RGS7: variants seen among roughly 807,000 people sequenced by gnomAD.
RGS7 encodes regulator of G-protein signaling 7.
RGS7 carries 27 observed loss-of-function variants against 81.1 expected under a neutral mutation model. The observed-to-expected ratio is 0.33, with a 90% CI of 0.25 to 0.46. The LOEUF (loss-of-function observed/expected upper bound fraction) is 0.46, where lower values mean the gene tolerates loss of function less well. Among genes scored for constraint, RGS7 ranks in the 20% least tolerant of loss-of-function variants. RGS7 has a pLI of 1.00. For synonymous variants in RGS7, 208 were observed against 207.7 expected (o/e 1.00, Z -0.01); for missense variants, 396 against 607.4 (o/e 0.65, Z 3.66).
chr1:241,010,280 A>G (rs1219035104), intron 3 of RGS7, among the ~76,000 whole-genome samples: 2 of 152,200 alleles, frequency 1.3e-5, no homozygotes, highest in Non-Finnish European at 2.9e-5. Context: ...GTGAATGAAC[A>G]CCTGATCATG....
At chr1:240,991,562 C>G (rs149647129) in intron 3 of RGS7, among the ~76,000 whole-genome samples, 5 of 152,174 alleles carry the variant, frequency 3.3e-5, no homozygotes, top group African/African-American at 9.6e-5. Flanking sequence ...TGATGTGCAG[C>G]CTTTATTTTG....
intron 2 of RGS7, among the ~76,000 whole-genome samples, chr1:241,123,499 C>G (rs1439076110): frequency 2.6e-5 from 4 of 152,188 alleles, no homozygotes; most frequent in Non-Finnish European, 5.9e-5. Flanking sequence ...GCCTGTAATC[C>G]CAGCACTTTG....
intron 18 of RGS7, among the ~76,000 whole-genome samples, chr1:240,789,092 A>G (rs1685536238): frequency 6.6e-6 from 1 of 152,240 alleles, no homozygotes; most frequent in Non-Finnish European, 1.5e-5. Context: ...GATTTCATGG[A>G]CATTTATTAG....
chr1:240,782,533 C>A (rs1023879931), intron 18 of RGS7, among the ~76,000 whole-genome samples: 1 of 152,172 alleles, frequency 6.6e-6, no homozygotes, highest in Non-Finnish European at 1.5e-5. Context: ...AGCGATCCTC[C>A]TGCCTCAGCC....
At chr1:241,024,083 T>A (rs1188716904) in intron 3 of RGS7, among the ~76,000 whole-genome samples, 1 of 152,136 alleles carries the variant, frequency 6.6e-6, no homozygotes, top group Non-Finnish European at 1.5e-5. Context: ...GTTTCAAAGA[T>A]GAGAAAACAG....
chr1:241,221,088 G>A (rs542512682), intron 2 of RGS7, among the ~76,000 whole-genome samples: 137 of 134,320 alleles, frequency 1.0e-3, no homozygotes, highest in African/African-American at 3.6e-3. Context: ...AGGAAGGAAG[G>A]AAGAAAGGAA....
chr1:240,997,519 C>G (rs1448759300), intron 3 of RGS7, among the ~76,000 whole-genome samples: 1 of 151,906 alleles, frequency 6.6e-6, no homozygotes. Context: ...CTTCAACAAT[C>G]AAAACAATCA....
At chr1:241,343,542 A>T (rs2082703222) in intron 2 of RGS7, among the ~76,000 whole-genome samples, 1 of 152,212 alleles carries the variant, frequency 6.6e-6, no homozygotes, top group Admixed American at 6.5e-5. Context: ...AACCTTGAGG[A>T]CGTTATGCTA....
intron 4 of RGS7, among the ~76,000 whole-genome samples, chr1:240,973,212 A>C (rs910535097): frequency 6.6e-6 from 1 of 152,154 alleles, no homozygotes; most frequent in African/African-American, 2.4e-5. Context: ...TATTGATATG[A>C]TAATCAAGTA....
chr1:241,184,624 A>T (rs752075497), intron 2 of RGS7, among the ~76,000 whole-genome samples: 1 of 152,192 alleles, frequency 6.6e-6, no homozygotes, highest in African/African-American at 2.4e-5. Flanking sequence ...CTTCATTTCC[A>T]TTTATTTAAA....
At chr1:241,161,547 T>C (rs1315189152) in intron 2 of RGS7, among the ~76,000 whole-genome samples, 1 of 123,666 alleles carries the variant, frequency 8.1e-6, no homozygotes, top group Non-Finnish European at 1.7e-5. Flanking sequence ...ATTATATTAA[T>C]GATAGTAACT....
intron 9 of RGS7, among the ~76,000 whole-genome samples, chr1:240,832,186 TA>T (rs1693970191): frequency 6.6e-6 from 1 of 152,206 alleles, no homozygotes; most frequent in South Asian, 2.1e-4. Context: ...CAATAAGATA[TA>T]AATAACATTA....
At chr1:240,856,304 A>T (rs1377339000) in intron 9 of RGS7, among the ~76,000 whole-genome samples, 1 of 152,192 alleles carries the variant, frequency 6.6e-6, no homozygotes, top group Non-Finnish European at 1.5e-5. Flanking sequence ...AGATCTCATT[A>T]TAGTATTTGC....
intron 2 of RGS7, among the ~76,000 whole-genome samples, chr1:241,294,147 G>A (rs532206242): frequency 4.6e-5 from 7 of 152,144 alleles, no homozygotes; most frequent in Non-Finnish European, 5.9e-5. Context: ...GCTGGGACAC[G>A]GATGAAGCTG....
chr1:241,059,228 T>C (rs1427343132), intron 3 of RGS7, among the ~76,000 whole-genome samples: 1 of 152,180 alleles, frequency 6.6e-6, no homozygotes, highest in Non-Finnish European at 1.5e-5. Flanking sequence ...GGTCCTTCTC[T>C]TCTCGCTTTC....
intron 3 of RGS7, among the ~76,000 whole-genome samples, chr1:241,093,652 A>T (rs994197253): frequency 3.9e-5 from 6 of 152,350 alleles, no homozygotes; most frequent in South Asian, 2.1e-4. Context: ...AAAGTAAAAT[A>T]AAAACAAAAA....
intron 2 of RGS7, among the ~76,000 whole-genome samples, chr1:241,198,351 G>A (rs1487305819): frequency 6.6e-6 from 1 of 151,772 alleles, no homozygotes. Context: ...AATAAGAGTG[G>A]AAATCAATAT....
chr1:241,327,068 G>A (rs2081584031), intron 2 of RGS7, among the ~76,000 whole-genome samples: 2 of 79,922 alleles, frequency 2.5e-5, no homozygotes, highest in African/African-American at 1.1e-4. Context: ...GAAGAAGGAA[G>A]GAAGGAAGGA....
At chr1:241,172,979 T>G (rs4350191) in intron 2 of RGS7, among the ~76,000 whole-genome samples, 24,763 of 152,168 alleles carry the variant, frequency 0.16, 2,876 homozygotes, top group African/African-American at 0.32. Context: ...GGCATAACTA[T>G]AAAGGAAAGC....
Sources: gnomAD v4.1 joint callset for allele counts (sites outside exome capture counted in the v4.1 genomes callset) on GRCh38, gnomAD v4.1.1 for gene constraint, MANE v1.5 for transcripts, NCBI Gene and HGNC (gene_info 2026-07-23, HGNC 2026-07-21) for gene names.